The following PARD3B variants were observed in gnomAD, a reference collection of about 807,000 sequenced individuals.
PARD3B encodes partitioning defective 3 homolog B.
PARD3B carries 103 observed loss-of-function variants against 130.2 expected under a neutral mutation model. That is an observed-to-expected ratio of 0.79 (90% CI 0.67 to 0.93). The LOEUF (loss-of-function observed/expected upper bound fraction) is 0.93, where lower values mean the gene tolerates loss of function less well. PARD3B is among the 40% of genes least tolerant of loss of function. The pLI is 0.00. For synonymous variants in PARD3B, 583 were observed against 553.2 expected, an observed-to-expected ratio of 1.05 and a Z score of -0.76; for missense variants, 1,609 against 1,499.2, an observed-to-expected ratio of 1.07 and a Z score of -1.21.
In PARD3B at chr2:205,453,218, G is replaced by T. The variant is rs558561492; in HGVS notation, c.3044+12546G>T. On this transcript the variant is annotated intron_variant, in intron 20 of 22. Transcript: ENST00000406610. ...TGAATGCAGATCTGGCTCCTTGAAG[G>T]AATCCATATTATGACCTAAAGAAGA... Among the ~76,000 whole-genome samples, 28 of 152,248 alleles carry T rather than the reference G, an allele frequency of 1.8e-4. No individual in the cohort carries two copies. The South Asian group carries it at 5.6e-3, about 30-fold the overall frequency.
At chr2:205,057,257 GTA>G (rs771161360) in intron 4 of PARD3B, among the ~76,000 whole-genome samples, 40 of 148,728 alleles carry the variant, frequency 2.7e-4, no homozygotes, top group African/African-American at 9.4e-4. Flanking sequence ...TGTGTTATAC[GTA>G]TATGTTATAT....
chr2:204,972,568 TA>T (rs1412152826), intron 3 of PARD3B, among the ~76,000 whole-genome samples: 1 of 152,230 alleles, frequency 6.6e-6, no homozygotes, highest in Non-Finnish European at 1.5e-5. Context: ...AAATTTATAC[TA>T]AGTTGGTTGT....
In PARD3B at chr2:205,463,911, T is replaced by G. The variant is rs998554963; in HGVS notation, c.3044+23239T>G. On this transcript the variant is annotated intron_variant, in intron 20 of 22. Coordinates refer to ENST00000406610, the MANE Select transcript of PARD3B (RefSeq NM_001302769.2). This position sits in a 1 kb window ranked among gnomAD's most constrained non-coding sequence, Gnocchi z 4.8. ...TAGGAAAATGGACTAGAAAAGTGTT[T>G]TATTGAAGGGATCTTCACTAAAACC... is the stretch of plus-strand genomic sequence containing the variant. 6.6e-5 allele frequency among the ~76,000 whole-genome samples: 10 copies of G among 152,170 alleles called. No individual in the cohort carries two copies. Among genetic ancestry groups the G allele is most frequent in the Non-Finnish European group, 1.3e-4 (9 of 68,022 alleles).
chr2:205,312,016 G>T (rs1185889699), intron 18 of PARD3B, among the ~76,000 whole-genome samples: 1 of 152,134 alleles, frequency 6.6e-6, no homozygotes, highest in East Asian at 1.9e-4. Flanking sequence ...TTTTGACTTG[G>T]TTTTTAAATT....
At chr2:205,098,802 T>A (rs1216335533) in intron 4 of PARD3B, among the ~76,000 whole-genome samples, 2 of 152,250 alleles carry the variant, frequency 1.3e-5, no homozygotes, top group Non-Finnish European at 2.9e-5. Context: ...TGTAAACACC[T>A]TTACTTTCCA....
intron 22 of PARD3B, among the ~76,000 whole-genome samples, chr2:205,583,251 G>C (rs1020008263): frequency 3.3e-5 from 5 of 152,230 alleles, no homozygotes; most frequent in African/African-American, 1.2e-4. Flanking sequence ...GGGAGAAACA[G>C]AGCAGTTCAC....
intron 2 of PARD3B, among the ~76,000 whole-genome samples, chr2:204,733,390 T>G (rs2039603148): frequency 6.6e-6 from 1 of 152,044 alleles, no homozygotes. Context: ...AGATACAGTT[T>G]TTATGAGTCA....
chr2:205,174,105 T>C (rs374578362), intron 12 of PARD3B, among the ~76,000 whole-genome samples: 1 of 152,232 alleles, frequency 6.6e-6, no homozygotes, highest in African/African-American at 2.4e-5. Context: ...ATAGGCGTTA[T>C]ATATTTTGGC....
chr2:204,564,845 T>C (rs560606135), intron 1 of PARD3B, among the ~76,000 whole-genome samples: 3 of 152,368 alleles, frequency 2.0e-5, no homozygotes, highest in African/African-American at 7.2e-5. Context: ...ATTGTAGATA[T>C]GCTTTTTGTA....
intron 19 of PARD3B, among the ~76,000 whole-genome samples, chr2:205,428,825 C>G (rs1201572697): frequency 6.6e-6 from 1 of 152,028 alleles, no homozygotes; most frequent in African/African-American, 2.4e-5. Flanking sequence ...TTTCCTAACT[C>G]TATTCAGAGA....
At chr2:204,838,894 G>A (rs931767043) in intron 2 of PARD3B, among the ~76,000 whole-genome samples, 5 of 152,116 alleles carry the variant, frequency 3.3e-5, no homozygotes, top group East Asian at 3.9e-4. Context: ...ATTGCAAGAC[G>A]TTGAAAGGGC....
intron 21 of PARD3B, among the ~76,000 whole-genome samples, chr2:205,514,429 A>G (rs1227297207): frequency 6.6e-6 from 1 of 152,100 alleles, no homozygotes; most frequent in East Asian, 1.9e-4. Context: ...ATATCTGCTT[A>G]TTTACTGTTT....
At chr2:205,395,109 G>T (rs984782249) in intron 18 of PARD3B, among the ~76,000 whole-genome samples, 1 of 151,960 alleles carries the variant, frequency 6.6e-6, no homozygotes, top group South Asian at 2.1e-4. Flanking sequence ...ATATTCTATG[G>T]TATAAGCCAA....
intron 16 of PARD3B, among the ~76,000 whole-genome samples, chr2:205,261,119 T>TA (rs1206027211): frequency 2.0e-5 from 3 of 152,286 alleles, no homozygotes; most frequent in Admixed American, 2.0e-4. Flanking sequence ...TCAACCCATT[T>TA]AAATGTGCAT....
In PARD3B at chr2:205,258,351, T is replaced by C. The variant is rs1190074531; in HGVS notation, c.2185+12529T>C. ...CGATTAGCCCAGAGTGATCTTCCAC[T>C]CTATACGGCTGATTCACTCTGATTC... On this transcript the variant is annotated intron_variant, in intron 16 of 22. Transcript: ENST00000406610. The surrounding 1 kb of genome is among the most constrained non-coding windows in gnomAD (Gnocchi z 4.9). Among the ~76,000 whole-genome samples the C allele has an allele frequency of 3.9e-5, 6 of 152,168 alleles. No homozygotes were observed. The highest frequency in any genetic ancestry group is 1.4e-4 in the African/African-American group (6 of 41,448).
chr2:205,056,913 AC>A (rs376468574), intron 4 of PARD3B, among the ~76,000 whole-genome samples: 27,125 of 149,398 alleles, frequency 0.18, 2,767 homozygotes, highest in East Asian at 0.37. Flanking sequence ...ACACACACAC[AC>A]ATATATATAT....
intron 4 of PARD3B, among the ~76,000 whole-genome samples, chr2:205,092,394 T>C (rs1702160395): frequency 6.6e-6 from 1 of 152,020 alleles, no homozygotes; most frequent in African/African-American, 2.4e-5. Flanking sequence ...AGTGGTTTCT[T>C]TGGGGAAAGT....
intron 21 of PARD3B, among the ~76,000 whole-genome samples, chr2:205,502,476 C>G (rs967998939): frequency 6.6e-6 from 1 of 152,132 alleles, no homozygotes; most frequent in Non-Finnish European, 1.5e-5. Context: ...TGACTTCAAT[C>G]CCTTGAGTAA....
At chr2:204,917,889 A>G (rs2047506511) in intron 2 of PARD3B, among the ~76,000 whole-genome samples, 1 of 152,188 alleles carries the variant, frequency 6.6e-6, no homozygotes, top group African/African-American at 2.4e-5. Flanking sequence ...AGTAATAGTA[A>G]AAGTGATTGT....
Sources: allele counts gnomAD v4.1 joint callset (sites outside exome capture counted in the v4.1 genomes callset), GRCh38; gene constraint gnomAD v4.1.1; non-coding constraint Gnocchi (gnomAD v3.1); transcripts MANE v1.5; gene names NCBI Gene and HGNC (gene_info 2026-07-23, HGNC 2026-07-21).